DLG2: variants seen among roughly 807,000 people sequenced by gnomAD.
DLG2 encodes the protein discs large MAGUK scaffold protein 2.
DLG2 carries 45 observed loss-of-function variants against 132.5 expected under a neutral mutation model. That is an observed-to-expected ratio of 0.34 (90% CI 0.27 to 0.44). DLG2 has a LOEUF of 0.44. DLG2 is among the 20% of genes least tolerant of loss of function. The pLI is 1.00. For synonymous variants in DLG2, 424 were observed against 419.6 expected, an observed-to-expected ratio of 1.01 and a Z score of -0.13; for missense variants, 1,045 against 1,196.9, an observed-to-expected ratio of 0.87 and a Z score of 1.87.
At chr11:85,048,925 G>T (rs1593228745) in intron 6 of DLG2, among the ~76,000 whole-genome samples, 1 of 151,984 alleles carries the variant, frequency 6.6e-6, no homozygotes, top group Non-Finnish European at 1.5e-5. Flanking sequence ...ATTGCCTAAA[G>T]TTCTTCCCTT....
intron 22 of DLG2, among the ~76,000 whole-genome samples, chr11:83,476,051 T>C (rs1015428189): frequency 7.2e-5 from 11 of 152,182 alleles, no homozygotes; most frequent in African/African-American, 2.6e-4. Context: ...ACCTTTATGC[T>C]AGAGAAAAGC....
intron 17 of DLG2, among the ~76,000 whole-genome samples, chr11:83,818,307 T>C (rs1443569505): frequency 3.9e-5 from 6 of 152,210 alleles, no homozygotes; most frequent in African/African-American, 1.2e-4. Context: ...TCTTCCTTTG[T>C]GGCCTGATGA....
At chr11:84,457,363 G>T (rs1248641993) in intron 7 of DLG2, among the ~76,000 whole-genome samples, 1 of 150,772 alleles carries the variant, frequency 6.6e-6, no homozygotes, top group Non-Finnish European at 1.5e-5. Flanking sequence ...CTTGTTTAGT[G>T]GAATAACAAC....
At chr11:84,404,210 G>C (rs888169294) in intron 7 of DLG2, among the ~76,000 whole-genome samples, 1 of 151,798 alleles carries the variant, frequency 6.6e-6, no homozygotes, top group Non-Finnish European at 1.5e-5. Context: ...CATTCTCCTT[G>C]CTGCTCTCAT....
At chr11:83,801,099 C>T (rs2153938810) in intron 17 of DLG2, among the ~76,000 whole-genome samples, 1 of 152,286 alleles carries the variant, frequency 6.6e-6, no homozygotes, top group East Asian at 1.9e-4. Flanking sequence ...TACCACCATT[C>T]TCCTCTCAAA....
chr11:84,750,441 G>T (rs143725893), intron 6 of DLG2, among the ~76,000 whole-genome samples: 1 of 152,058 alleles, frequency 6.6e-6, no homozygotes, highest in Non-Finnish European at 1.5e-5. Context: ...TTGAGGTTTG[G>T]CATAGGCCCG....
intron 7 of DLG2, among the ~76,000 whole-genome samples, chr11:84,431,678 T>C (rs2098985113): frequency 6.6e-6 from 1 of 152,160 alleles, no homozygotes. Flanking sequence ...AAAACTATTA[T>C]TAATATTACC....
intron 6 of DLG2, among the ~76,000 whole-genome samples, chr11:84,912,226 G>T (rs1462151278): frequency 2.6e-5 from 4 of 152,158 alleles, no homozygotes; most frequent in Admixed American, 2.0e-4. Context: ...CTCGATCTCG[G>T]CTCACTGCAA....
At chr11:85,055,545 A>G (rs940034540) in intron 6 of DLG2, among the ~76,000 whole-genome samples, 14 of 152,198 alleles carry the variant, frequency 9.2e-5, no homozygotes, top group African/African-American at 2.7e-4. Context: ...GGCAGTCTCA[A>G]TGGACTGGGG....
intron 18 of DLG2, among the ~76,000 whole-genome samples, chr11:83,714,940 T>G (rs2086337282): frequency 6.6e-6 from 1 of 152,218 alleles, no homozygotes; most frequent in Non-Finnish European, 1.5e-5. Context: ...TAAATCATTC[T>G]ACTATAAAGA....
intron 6 of DLG2, among the ~76,000 whole-genome samples, chr11:84,943,177 T>C (rs1305693700): frequency 6.6e-6 from 1 of 151,120 alleles, no homozygotes; most frequent in African/African-American, 2.4e-5. Flanking sequence ...CGTGTGTGTG[T>C]GTGTGTGTGT....
intron 6 of DLG2, among the ~76,000 whole-genome samples, chr11:84,593,657 G>A (rs1432549078): frequency 1.3e-5 from 2 of 152,128 alleles, no homozygotes; most frequent in African/African-American, 4.8e-5. Flanking sequence ...GGGGTTGGGA[G>A]GCTAGGGAAG....
At chr11:84,701,548 A>G (rs1278135406) in intron 6 of DLG2, among the ~76,000 whole-genome samples, 1 of 151,588 alleles carries the variant, frequency 6.6e-6, no homozygotes, top group African/African-American at 2.4e-5. Context: ...CCTTAAGCCA[A>G]TACCCTACTC....
chr11:84,663,110 C>T (rs2099696349), intron 6 of DLG2, among the ~76,000 whole-genome samples: 1 of 152,062 alleles, frequency 6.6e-6, no homozygotes. Flanking sequence ...TCTTTACCTT[C>T]TTCACCATTT....
intron 6 of DLG2, among the ~76,000 whole-genome samples, chr11:84,948,968 T>C (rs1252861134): frequency 6.6e-6 from 1 of 152,190 alleles, no homozygotes; most frequent in Non-Finnish European, 1.5e-5. Flanking sequence ...ATTATTTCTG[T>C]TGTTATTGAA....
At chr11:84,447,574 T>C (rs1306814774) in intron 7 of DLG2, among the ~76,000 whole-genome samples, 1 of 152,168 alleles carries the variant, frequency 6.6e-6, no homozygotes, top group Non-Finnish European at 1.5e-5. Context: ...ATTTAAAGTC[T>C]TCCAGGTTCC....
At chr11:84,154,662 C>T (rs1284448943) in intron 9 of DLG2, among the ~76,000 whole-genome samples, 4 of 152,098 alleles carry the variant, frequency 2.6e-5, no homozygotes, top group East Asian at 1.9e-4. Context: ...CCCCACCCCA[C>T]GACAGGCCCT....
At chr11:85,353,061 T>C (rs1388671089) in intron 3 of DLG2, among the ~76,000 whole-genome samples, 1 of 152,114 alleles carries the variant, frequency 6.6e-6, no homozygotes. Flanking sequence ...ACCTATAGAA[T>C]GGGAGAAAAT....
chr11:83,470,352 TAAC>T (rs1248871259), intron 24 of DLG2, among the ~76,000 whole-genome samples: 3 of 152,152 alleles, frequency 2.0e-5, no homozygotes, highest in African/African-American at 7.2e-5. Context: ...ACAAAAATAT[TAAC>T]AATGATGTTA....
Sources: allele counts gnomAD v4.1 joint callset (sites outside exome capture counted in the v4.1 genomes callset), GRCh38; gene constraint gnomAD v4.1.1; transcripts MANE v1.5; gene names NCBI Gene and HGNC (gene_info 2026-07-23, HGNC 2026-07-21).